Variants in WASHC3 observed in about 807,000 individuals in gnomAD.
The protein encoded by WASHC3 is WASH complex subunit CCDC53.
A neutral mutation model predicts 26.1 loss-of-function variants in WASHC3; 24 were observed. The ratio of observed to expected loss-of-function variants is 0.92; its 90% CI spans 0.66 to 1.29. WASHC3 has a LOEUF of 1.29. Among genes scored for constraint, WASHC3 ranks in the 50% most tolerant of loss-of-function variants. WASHC3 has a pLI of 0.00. For missense variants in WASHC3, 214 were observed against 229.6 expected (o/e 0.93, Z 0.44); for synonymous variants, 77 against 75.7 (o/e 1.02, Z -0.09).
At chr12:102,034,979 C>A (rs78935926) in intron 5 of WASHC3, among the ~76,000 whole-genome samples, 1 of 151,942 alleles carries the variant, frequency 6.6e-6, no homozygotes, top group African/African-American at 2.4e-5. Flanking sequence ...AAAATATATA[C>A]ACATATATGG....
chr12:102,061,977 G>A lies in WASHC3; in HGVS notation c.-15C>T, dbSNP rs2136700944. 1 of 1,589,584 alleles carries A rather than the reference G, an allele frequency of 6.3e-7. No homozygotes were observed. Among genetic ancestry groups the A allele is most frequent in the African/African-American group, 1.3e-5 (1 of 74,646 alleles). The stretch of plus-strand genomic sequence containing the variant: ...TCCTCATCCATCTCCTCAGCGGGCG[G>A]TGGACCCCGAGTTCACCCACAAACC... On this transcript the variant is annotated 5_prime_UTR_variant, in exon 1 of 7. Transcript: ENST00000240079.
intron 2 of WASHC3, among the ~76,000 whole-genome samples, chr12:102,052,119 T>A (rs1002113514): frequency 2.0e-5 from 3 of 152,130 alleles, no homozygotes; most frequent in Non-Finnish European, 4.4e-5. Context: ...TCTCAAGAGC[T>A]AAGGAGACCA....
At chr12:102,044,929 T>C (rs1412313242) in intron 3 of WASHC3, among the ~76,000 whole-genome samples, 2 of 152,198 alleles carry the variant, frequency 1.3e-5, no homozygotes, top group South Asian at 2.1e-4. Context: ...CATTTGTCGA[T>C]GTTTGGCTAA....
chr12:102,013,828 C>A (rs1876584384), intron 6 of WASHC3, among the ~76,000 whole-genome samples: 1 of 152,108 alleles, frequency 6.6e-6, no homozygotes, highest in East Asian at 1.9e-4. Flanking sequence ...TATAAGGAGA[C>A]ATGAGAATGG....
chr12:102,052,808 T>G (rs1156364071), intron 2 of WASHC3, among the ~76,000 whole-genome samples: 2 of 151,798 alleles, frequency 1.3e-5, no homozygotes, highest in Non-Finnish European at 1.5e-5. Context: ...GGACCATCCC[T>G]GTGGACTCAA....
chr12:102,049,989 A>G (rs1361878962), intron 2 of WASHC3, among the ~76,000 whole-genome samples: 1 of 152,190 alleles, frequency 6.6e-6, no homozygotes. Flanking sequence ...AAAATTTCAG[A>G]ATTTAAAAAA....
chr12:102,016,493 C>T (rs1565809630), intron 6 of WASHC3, among the ~76,000 whole-genome samples: 1 of 152,222 alleles, frequency 6.6e-6, no homozygotes, highest in Non-Finnish European at 1.5e-5. Flanking sequence ...GTGTAAGCCA[C>T]TGTGCCTGGC....
Position 102,044,118 on chromosome 12 carries a change from G to T in WASHC3, c.311C>A (p.Ser104Ter). The change falls in exon 4 of 7, where the codon TCA becomes TAA. Residue 104 changes from serine (S) to a stop codon, truncating the protein, a stop_gained. Transcript: ENST00000240079. LOFTEE classifies it high-confidence loss of function. ...GAACTCACTTACCTGTGGTTGCTCT[G>T]AAGTGGCTTCAGGATGTGCTCCATT... ...VTNGAHPEAT[S>*]EQPQQNSTQD... 6.3e-7 allele frequency: 1 copy of T among 1,596,342 alleles called. No homozygotes were observed. Among genetic ancestry groups the T allele is most frequent in the Non-Finnish European group, 8.6e-7 (1 of 1,167,490 alleles).
chr12:102,021,189 A>C (rs1409815883), intron 6 of WASHC3, among the ~76,000 whole-genome samples: 1 of 152,228 alleles, frequency 6.6e-6, no homozygotes, highest in African/African-American at 2.4e-5. Flanking sequence ...GGTAATTAAA[A>C]ATGTAACAAT....
chr12:102,044,908 T>G (rs10860833), intron 3 of WASHC3, among the ~76,000 whole-genome samples: 24,444 of 152,100 alleles, frequency 0.16, 2,025 homozygotes, highest in Non-Finnish European at 0.18. Flanking sequence ...CATCCTGATA[T>G]CAATGACACG....
intron 2 of WASHC3, among the ~76,000 whole-genome samples, chr12:102,049,335 G>C (rs1346650254): frequency 1.3e-5 from 2 of 152,154 alleles, no homozygotes; most frequent in Non-Finnish European, 2.9e-5. Flanking sequence ...TAACATAATC[G>C]GTGACAGTAG....
chr12:102,013,759 A>G (rs889024585), intron 6 of WASHC3, among the ~76,000 whole-genome samples: 1 of 152,226 alleles, frequency 6.6e-6, no homozygotes, highest in Middle Eastern at 3.2e-3. Context: ...TTATCTTTAC[A>G]GAATGAAAAT....
At chr12:102,023,113 T>C (rs1172458677) in intron 6 of WASHC3, among the ~76,000 whole-genome samples, 1 of 152,156 alleles carries the variant, frequency 6.6e-6, no homozygotes, top group Non-Finnish European at 1.5e-5. Flanking sequence ...TTATCAGGCA[T>C]TTTCTACAGT....
chr12:102,060,995 T>C (rs928887476), intron 2 of WASHC3, among the ~76,000 whole-genome samples: 8 of 150,740 alleles, frequency 5.3e-5, no homozygotes, highest in East Asian at 3.9e-4. Context: ...AGATTTCCTA[T>C]TGTTCCCTTT....
rs200325359 is a variant in WASHC3, at chr12:102,013,127, T to G, written c.566A>C (p.Glu189Ala). 145 of 1,508,146 alleles carry G rather than the reference T, an allele frequency of 9.6e-5. No homozygotes were observed. Among genetic ancestry groups the G allele is most frequent in the Non-Finnish European group, 1.3e-4 (139 of 1,103,768 alleles). 93.4% of individuals were successfully genotyped at this position (1,508,146 alleles called of 1,614,324 possible). The change falls in exon 7 of 7, where the codon GAA becomes GCA. Residue 189 changes from glutamate to alanine, a missense_variant. By Grantham distance (107) the Glu-to-Ala change is moderately radical (BLOSUM62 -1). Coordinates refer to ENST00000240079, the MANE Select transcript of WASHC3 (RefSeq NM_016053.4). The part of the protein sequence containing the change: ...EKTVEESSDS[E>A]SSFSD ...TTAAGCTTAATCACTAAAAGAAGAT[T>G]CGCTATCTGAACTTTCTTCTACAGT... is the stretch of plus-strand genomic sequence containing the variant.
intron 6 of WASHC3, among the ~76,000 whole-genome samples, chr12:102,025,709 A>C (rs1877153541): frequency 6.6e-6 from 1 of 151,786 alleles, no homozygotes; most frequent in African/African-American, 2.4e-5. Flanking sequence ...AAGCAAAAAA[A>C]ATTGTCATTA....
chr12:102,028,338 G>C (rs969483746), intron 5 of WASHC3, among the ~76,000 whole-genome samples: 2 of 152,048 alleles, frequency 1.3e-5, no homozygotes, highest in African/African-American at 2.4e-5. Context: ...GGATAACAGG[G>C]GGTAAGTTAG....
chr12:102,058,950 C>T lies in WASHC3; in HGVS notation c.150+2298G>A, dbSNP rs145940367. 3.2e-3 allele frequency among the ~76,000 whole-genome samples: 494 copies of T among 152,172 alleles called. 4 individuals carry two copies. Among genetic ancestry groups the T allele is most frequent in the African/African-American group, 0.011 (473 of 41,520 alleles). On this transcript the variant is annotated intron_variant, in intron 2 of 6. Transcript: ENST00000240079. ...TGTTAAATGAAATAAGCCAGTCAAA[C>T]AGAGACAGATACTGAATGATCTCAC...
At position 102,016,997 on chromosome 12, in the gene WASHC3, G is replaced by A. The variant is rs530742963; in HGVS notation, c.501-3805C>T. 2.6e-4 allele frequency among the ~76,000 whole-genome samples: 39 copies of A among 152,178 alleles called. No individual in the cohort carries two copies. The East Asian group carries it at 6.8e-3, about 26-fold the overall frequency. On this transcript the variant is annotated intron_variant, in intron 6 of 6. Transcript: ENST00000240079. Reference sequence around the variant, plus strand: ...ACAGTGGTGTATAATAACATCCTAGGCCTTCATATTCACTCCCTATTCACT... The same window carrying A: ...ACAGTGGTGTATAATAACATCCTAGACCTTCATATTCACTCCCTATTCACT...
Sources: gnomAD v4.1 joint callset for allele counts (sites outside exome capture counted in the v4.1 genomes callset) on GRCh38, gnomAD v4.1.1 for gene constraint, MANE v1.5 for transcripts, NCBI Gene and HGNC (gene_info 2026-07-23, HGNC 2026-07-21) for gene names.